Variants in BBS9 observed in about 807,000 individuals in gnomAD.
The protein encoded by BBS9 is Bardet-Biedl syndrome 9.
A neutral mutation model predicts 117.7 loss-of-function variants in BBS9; 89 were observed. That is an observed-to-expected ratio of 0.76 (90% CI 0.64 to 0.90). BBS9 has a LOEUF of 0.90. Ranked by LOEUF, BBS9 falls within the 40% of genes least tolerant of loss-of-function variation. The pLI, the probability that BBS9 is intolerant of heterozygous loss-of-function variation, is 0.00. For missense variants in BBS9, 982 were observed against 1,042.2 expected, an observed-to-expected ratio of 0.94 and a Z score of 0.80; for synonymous variants, 379 against 370.9, an observed-to-expected ratio of 1.02 and a Z score of -0.25.
chr7:33,552,830 T>G (rs1467939084), intron 21 of BBS9, among the ~76,000 whole-genome samples: 1 of 152,178 alleles, frequency 6.6e-6, no homozygotes, highest in African/African-American at 2.4e-5. Flanking sequence ...TTTCTGTTCT[T>G]TCTCAGAAGA....
At chr7:33,441,241 A>T (rs1836123631) in intron 19 of BBS9, among the ~76,000 whole-genome samples, 1 of 151,660 alleles carries the variant, frequency 6.6e-6, no homozygotes, top group South Asian at 2.1e-4. Flanking sequence ...ATTTGTGTGT[A>T]TGAGCTGGGT....
Position 33,196,302 on chromosome 7 carries a change from G to C in BBS9, c.442+18711G>C, listed in dbSNP as rs10252927. On this transcript the variant is annotated intron_variant, in intron 5 of 22. Transcript: ENST00000242067. ...GCCTTCAAATAACTTCTAATTGTCT[G>C]AACTGGAGCCTTTTTCTTATCTGCC... Among the ~76,000 whole-genome samples, 630 of 152,122 alleles carry C rather than the reference G, an allele frequency of 4.1e-3. 4 individuals are homozygous for C. The highest frequency in any genetic ancestry group is 0.015 in the African/African-American group (603 of 41,490).
intron 5 of BBS9, among the ~76,000 whole-genome samples, chr7:33,182,326 T>C (rs1161632958): frequency 6.6e-5 from 10 of 152,188 alleles, no homozygotes; most frequent in Admixed American, 6.5e-4. Flanking sequence ...ATTTTAATTA[T>C]GTACTAGGTG....
At chr7:33,266,452 A>G (rs991138660) in intron 7 of BBS9, among the ~76,000 whole-genome samples, 1 of 152,150 alleles carries the variant, frequency 6.6e-6, no homozygotes, top group East Asian at 1.9e-4. Flanking sequence ...AATTTGTATG[A>G]TTTAAATTCT....
chr7:33,224,966 A>G lies in BBS9; in HGVS notation c.443-32270A>G, dbSNP rs552075154. 5.3e-5 allele frequency among the ~76,000 whole-genome samples: 8 copies of G among 152,292 alleles called. 1 individual carries two copies. In the South Asian group the frequency reaches 1.7e-3, roughly 32 times the overall value. On this transcript the variant is annotated intron_variant, in intron 5 of 22. Transcript: ENST00000242067. The stretch of plus-strand genomic sequence containing the variant: ...TTATAATTTTTATTATGTAACGGAA[A>G]TACATTTAAAGGAAGAAATCTCCCT...
rs1310240850 is a variant in BBS9, at chr7:33,618,284, G to A, written c.2522-16893G>A. ...CACTTGAGCCTAGGAAGTTGAGGCA[G>A]CAGTGAGCTGTGATCGCATCACTGC... On this transcript the variant is annotated intron_variant, in intron 21 of 21. Transcript: ENST00000671952. 2.0e-5 allele frequency among the ~76,000 whole-genome samples: 3 copies of A among 151,890 alleles called. No individual in the cohort carries two copies. The South Asian group carries it at 6.2e-4, about 32-fold the overall frequency.
intron 4 of BBS9, among the ~76,000 whole-genome samples, chr7:33,160,974 A>G (rs1794751568): frequency 6.6e-6 from 1 of 152,194 alleles, no homozygotes; most frequent in Admixed American, 6.6e-5. Context: ...TGACAATTGA[A>G]TGAAATCTTT....
At chr7:33,260,794 C>T (rs1797860849) in intron 6 of BBS9, among the ~76,000 whole-genome samples, 1 of 152,164 alleles carries the variant, frequency 6.6e-6, no homozygotes, top group South Asian at 2.1e-4. Flanking sequence ...GGTGGGACCT[C>T]TAAGAGTTGA....
intron 17 of BBS9, among the ~76,000 whole-genome samples, chr7:33,371,561 A>G (rs1822865140): frequency 6.6e-6 from 1 of 152,164 alleles, no homozygotes; most frequent in African/African-American, 2.4e-5. Context: ...GAAGTGGATC[A>G]TAAGTCCGTG....
intron 20 of BBS9, among the ~76,000 whole-genome samples, chr7:33,525,151 G>A (rs1006857878): frequency 6.6e-5 from 10 of 152,184 alleles, no homozygotes; most frequent in Admixed American, 2.0e-4. Flanking sequence ...CATTTGCTGA[G>A]GAGAGCTTAG....
chr7:33,492,532 T>C (rs1454192024), intron 19 of BBS9, among the ~76,000 whole-genome samples: 1 of 152,186 alleles, frequency 6.6e-6, no homozygotes, highest in Non-Finnish European at 1.5e-5. Flanking sequence ...TCATGATTAC[T>C]GAAGTGGTTA....
chr7:33,143,826 A>G (rs1327822807), intron 1 of BBS9, among the ~76,000 whole-genome samples: 1 of 136,142 alleles, frequency 7.3e-6, no homozygotes, highest in Non-Finnish European at 1.7e-5. Context: ...CTGCCTCCCA[A>G]GATGCTGGGA....
At chr7:33,240,803 C>T (rs955686546) in intron 5 of BBS9, among the ~76,000 whole-genome samples, 14 of 151,928 alleles carry the variant, frequency 9.2e-5, no homozygotes, top group African/African-American at 3.1e-4. Context: ...TTACGTTTTA[C>T]CTGTATTAGT....
At chr7:33,282,134 G>T (rs1802029509) in intron 9 of BBS9, among the ~76,000 whole-genome samples, 1 of 151,996 alleles carries the variant, frequency 6.6e-6, no homozygotes, top group Admixed American at 6.6e-5. Flanking sequence ...TTTTAAAATA[G>T]CTTTTAGAGA....
At chr7:33,418,689 A>T (rs774210437) in intron 19 of BBS9, among the ~76,000 whole-genome samples, 7 of 152,162 alleles carry the variant, frequency 4.6e-5, no homozygotes, top group Non-Finnish European at 8.8e-5. Flanking sequence ...TCTTGTAGCC[A>T]CCTTGCTGGT....
In BBS9 at chr7:33,258,362, A is replaced by G. The variant is rs534569732; in HGVS notation, c.617+952A>G. Reference sequence around the variant, plus strand: ...TTGTCTTCATGTTTCAATGTTGTGTATATAACAAGTTAATGCAGCTTTCTC... The same window carrying G: ...TTGTCTTCATGTTTCAATGTTGTGTGTATAACAAGTTAATGCAGCTTTCTC... On this transcript the variant is annotated intron_variant, in intron 6 of 22. Transcript: ENST00000242067. Among the ~76,000 whole-genome samples the G allele has an allele frequency of 3.3e-5, 5 of 152,348 alleles. No individual in the cohort carries two copies. In the South Asian group the frequency reaches 1.0e-3, roughly 32 times the overall value.
upstream of BBS9, chr7:33,129,308 A>C: frequency 7.3e-6 from 4 of 549,870 alleles, no homozygotes; most frequent in Non-Finnish European, 1.3e-5. Flanking sequence ...CTGCCCCCGG[A>C]GCCCAGGCAG....
intron 6 of BBS9, among the ~76,000 whole-genome samples, chr7:33,258,498 T>C (rs1040130298): frequency 6.6e-6 from 1 of 152,146 alleles, no homozygotes; most frequent in African/African-American, 2.4e-5. Context: ...ATTTAGGAAG[T>C]GTATCATCAT....
intron 1 of BBS9, among the ~76,000 whole-genome samples, chr7:33,140,783 A>G (rs1410829842): frequency 6.6e-6 from 1 of 152,238 alleles, no homozygotes; most frequent in Non-Finnish European, 1.5e-5. Flanking sequence ...TAATGTCATT[A>G]GTAATAACAA....
Sources: allele counts gnomAD v4.1 joint callset (sites outside exome capture counted in the v4.1 genomes callset), GRCh38; gene constraint gnomAD v4.1.1; transcripts MANE v1.5; gene names NCBI Gene and HGNC (gene_info 2026-07-23, HGNC 2026-07-21).